B3GALT1: variants seen among roughly 807,000 people sequenced by gnomAD.
B3GALT1 encodes the protein UDP-Gal:betaGlcNAc beta 1,3-galactosyltransferase, polypeptide 1.
In B3GALT1, 10 loss-of-function variants were observed where a neutral mutation model predicts 23.2. That is an observed-to-expected ratio of 0.43 (90% confidence interval 0.27 to 0.73). The LOEUF is 0.73. Among genes scored for constraint, B3GALT1 ranks in the 30% least tolerant of loss-of-function variants. B3GALT1 has a pLI of 0.21. For missense variants in B3GALT1, 299 were observed against 405.4 expected (o/e 0.74, Z 2.25); for synonymous variants, 156 against 141.5 (o/e 1.10, Z -0.73).
At chr2:167,730,889 A>G (rs1251952323) in intron 3 of B3GALT1, among the ~76,000 whole-genome samples, 1 of 152,210 alleles carries the variant, frequency 6.6e-6, no homozygotes, top group African/African-American at 2.4e-5. Context: ...AGTACTTACA[A>G]TGTGCCATAC....
chr2:167,624,253 A>C (rs1033899523), intron 2 of B3GALT1, among the ~76,000 whole-genome samples: 1 of 152,082 alleles, frequency 6.6e-6, no homozygotes, highest in Non-Finnish European at 1.5e-5. Flanking sequence ...TTTTCTGGAA[A>C]GACATGTTGA....
chr2:167,655,021 A>C (rs1309515002), intron 3 of B3GALT1, among the ~76,000 whole-genome samples: 1 of 152,154 alleles, frequency 6.6e-6, no homozygotes, highest in East Asian at 1.9e-4. Flanking sequence ...TATTCTCTGT[A>C]ACAAAATTCC....
rs1449017080 is a variant in B3GALT1, at chr2:167,490,162, T to C, written c.-510-15T>C. On this transcript the variant is annotated splice_polypyrimidine_tract_variant and intron_variant, in intron 1 of 4. Transcript: ENST00000392690. ...GTGCCTCCAAAGTTACTCATATATTTTTCTTTCCTTTTAGACCCATTAGAA... is the reference window on the plus strand; with the variant it reads ...GTGCCTCCAAAGTTACTCATATATTCTTCTTTCCTTTTAGACCCATTAGAA... 1 of 152,200 alleles carries C rather than the reference T, an allele frequency of 6.6e-6. No individual in the cohort carries two copies. Among genetic ancestry groups the C allele is most frequent in the Non-Finnish European group, 1.5e-5 (1 of 68,044 alleles). The allele number at this position is 152,200 out of a possible 1,614,324, so 9.4% of individuals were successfully genotyped here.
At chr2:167,436,841 G>A (rs1462874375) in intron 1 of B3GALT1, among the ~76,000 whole-genome samples, 1 of 152,114 alleles carries the variant, frequency 6.6e-6, no homozygotes, top group Non-Finnish European at 1.5e-5. Context: ...TACATTCATA[G>A]TCAGAGGTAT....
At chr2:167,627,175 A>G (rs1685362023) in intron 2 of B3GALT1, among the ~76,000 whole-genome samples, 1 of 151,528 alleles carries the variant, frequency 6.6e-6, no homozygotes, top group Non-Finnish European at 1.5e-5. Context: ...TGTGTGTGTC[A>G]GTTTTTTTAT....
intron 3 of B3GALT1, among the ~76,000 whole-genome samples, chr2:167,712,943 C>G (rs1687085379): frequency 6.6e-6 from 1 of 152,120 alleles, no homozygotes; most frequent in Non-Finnish European, 1.5e-5. Context: ...GGGAAAAATA[C>G]CATGTCAAGG....
At chr2:167,649,314 A>G (rs1414802416) in intron 3 of B3GALT1, among the ~76,000 whole-genome samples, 1 of 152,144 alleles carries the variant, frequency 6.6e-6, no homozygotes, top group South Asian at 2.1e-4. Flanking sequence ...CAAAATTCAT[A>G]TAACATAAAA....
chr2:167,576,532 G>GTT (rs1310083012), intron 2 of B3GALT1, among the ~76,000 whole-genome samples: 12 of 110,972 alleles, frequency 1.1e-4, no homozygotes, highest in African/African-American at 2.3e-4. Context: ...TTTTTTTTTT[G>GTT]TTTTTTTTTT....
intron 1 of B3GALT1, among the ~76,000 whole-genome samples, chr2:167,391,312 T>C (rs1038608012): frequency 1.3e-5 from 2 of 152,246 alleles, no homozygotes; most frequent in Admixed American, 6.5e-5. Context: ...TTTTTAACTA[T>C]GTGAGCTCCC....
intron 3 of B3GALT1, among the ~76,000 whole-genome samples, chr2:167,745,769 A>G (rs564621801): frequency 3.9e-5 from 6 of 152,212 alleles, no homozygotes; most frequent in African/African-American, 1.2e-4. Context: ...CTGAAAATTT[A>G]TTCTACTGAC....
intron 1 of B3GALT1, among the ~76,000 whole-genome samples, chr2:167,429,301 T>G (rs201691306): frequency 8.3e-6 from 1 of 120,222 alleles, no homozygotes; most frequent in Non-Finnish European, 1.8e-5. Context: ...AAAAAAAAAA[T>G]AAGAAATGTT....
chr2:167,489,356 A>G (rs1013465357), intron 1 of B3GALT1, among the ~76,000 whole-genome samples: 52 of 152,202 alleles, frequency 3.4e-4, no homozygotes, highest in African/African-American at 1.2e-3. Context: ...CTTCTTTAAA[A>G]TAGATTTTTC....
chr2:167,672,824 A>G (rs780303311), intron 3 of B3GALT1, among the ~76,000 whole-genome samples: 21 of 152,116 alleles, frequency 1.4e-4, no homozygotes, highest in Admixed American at 6.5e-5. Context: ...ATAAATATAG[A>G]TAAGGGACTC....
rs182434839 is a variant in B3GALT1 at position 167,457,332 on chromosome 2, C to G, written c.-510-32845C>G. Among the ~76,000 whole-genome samples, 3 of 151,940 alleles carry G rather than the reference C, an allele frequency of 2.0e-5. No individual in the cohort carries two copies. The East Asian group carries it at 5.9e-4, about 30-fold the overall frequency. ...GGACTACAGGTGCACACTACCATGC[C>G]CAGCTAATTTTTGTATTTTTAGTAG... On this transcript the variant is annotated intron_variant, in intron 1 of 4. Coordinates refer to ENST00000392690, the MANE Select transcript of B3GALT1 (RefSeq NM_020981.4).
intron 1 of B3GALT1, among the ~76,000 whole-genome samples, chr2:167,303,682 C>CACACACACACACACACACACACATAG (rs535369991): frequency 3.6e-4 from 54 of 148,832 alleles, no homozygotes; most frequent in East Asian, 2.3e-3. Context: ...CACACACACA[C>CACACACACACACACACACACACATAG]AGAGAGAGAC....
intron 1 of B3GALT1, among the ~76,000 whole-genome samples, chr2:167,346,280 G>A (rs1170480458): frequency 6.6e-6 from 1 of 151,930 alleles, no homozygotes; most frequent in Non-Finnish European, 1.5e-5. Flanking sequence ...AACACCCTCA[G>A]GCTCAGAAAA....
chr2:167,755,325 A>G (rs957259898), intron 3 of B3GALT1, among the ~76,000 whole-genome samples: 4 of 151,988 alleles, frequency 2.6e-5, no homozygotes, highest in Admixed American at 6.5e-5. Flanking sequence ...GGATTCAAGG[A>G]GGACCCTGGG....
intron 3 of B3GALT1, among the ~76,000 whole-genome samples, chr2:167,798,533 A>G (rs946205662): frequency 1.3e-5 from 2 of 152,190 alleles, no homozygotes; most frequent in African/African-American, 4.8e-5. Context: ...ACCATTTATG[A>G]AATAGGGAAT....
At chr2:167,501,159 G>A (rs1194847151) in intron 2 of B3GALT1, among the ~76,000 whole-genome samples, 2 of 152,056 alleles carry the variant, frequency 1.3e-5, no homozygotes, top group East Asian at 1.9e-4. Flanking sequence ...TGTGGTAGAA[G>A]TAAATGGAAA....
Sources: allele counts gnomAD v4.1 joint callset (sites outside exome capture counted in the v4.1 genomes callset), GRCh38; gene constraint gnomAD v4.1.1; transcripts MANE v1.5; gene names NCBI Gene and HGNC (gene_info 2026-07-23, HGNC 2026-07-21).